The following SOHLH2 variants were observed in gnomAD, a reference collection of about 807,000 sequenced individuals.
SOHLH2 encodes spermatogenesis- and oogenesis-specific basic helix-loop-helix-containing protein 2.
A neutral mutation model predicts 50.4 loss-of-function variants in SOHLH2; 22 were observed. That is an observed-to-expected ratio of 0.44 (90% confidence interval 0.31 to 0.62). The LOEUF is 0.62. SOHLH2 is among the 20% of genes least tolerant of loss of function. The pLI is 0.08. For missense variants in SOHLH2, 412 were observed against 504.4 expected, an observed-to-expected ratio of 0.82 and a Z score of 1.76; for synonymous variants, 185 against 187.3, an observed-to-expected ratio of 0.99 and a Z score of 0.10.
intron 6 of SOHLH2, among the ~76,000 whole-genome samples, chr13:36,180,695 C>T (rs908748171): frequency 2.9e-5 from 4 of 135,986 alleles, no homozygotes; most frequent in African/African-American, 8.3e-5. Flanking sequence ...AAATCTTACT[C>T]TTACTGATTT....
At chr13:36,209,702 AC>A (rs1358801449) in intron 1 of SOHLH2, among the ~76,000 whole-genome samples, 2 of 152,192 alleles carry the variant, frequency 1.3e-5, no homozygotes, top group Non-Finnish European at 2.9e-5. Flanking sequence ...AAACATTCAG[AC>A]TACAGCACCT....
chr13:36,214,181 T>C (rs921057800), intron 1 of SOHLH2, among the ~76,000 whole-genome samples: 3 of 152,166 alleles, frequency 2.0e-5, no homozygotes, highest in Non-Finnish European at 2.9e-5. Context: ...GATTCAGTTC[T>C]CTTTCTTCCT....
chr13:36,212,076 AAGTCAAGAAAG>A (rs1869162583), intron 1 of SOHLH2, among the ~76,000 whole-genome samples: 3 of 152,184 alleles, frequency 2.0e-5, no homozygotes, highest in African/African-American at 7.2e-5. Context: ...GGGGGAAAAA[AAGTCAAGAAAG>A]AGTTATGAAG....
chr13:36,174,660 T>C lies in SOHLH2; in HGVS notation c.789+62A>G, dbSNP rs1887054386. On this transcript the variant is annotated intron_variant, in intron 7 of 10. Transcript: ENST00000379881. The stretch of plus-strand genomic sequence containing the variant: ...TCCAATGATAAAAAATTAAAAGAAG[T>C]AAAATTGTAGTATTAAAGCATGTCT... The C allele has an allele frequency of 1.6e-5, 25 of 1,596,922 alleles. No homozygotes were observed. The East Asian group carries it at 5.1e-4, about 33-fold the overall frequency.
intron 5 of SOHLH2, 62 bp downstream of exon 5, chr13:36,191,733 A>G: frequency 6.2e-7 from 1 of 1,602,502 alleles, no homozygotes. Context: ...CTTCCACAAA[A>G]TAGCCACAAT....
intron 6 of SOHLH2, among the ~76,000 whole-genome samples, chr13:36,187,667 T>C (rs1395638564): frequency 6.6e-6 from 1 of 152,012 alleles, no homozygotes; most frequent in Non-Finnish European, 1.5e-5. Flanking sequence ...TTGCTCAACT[T>C]CCTCCCTGAT....
At chr13:36,208,525 T>A (rs1868918515) in intron 1 of SOHLH2, among the ~76,000 whole-genome samples, 1 of 152,164 alleles carries the variant, frequency 6.6e-6, no homozygotes, top group Non-Finnish European at 1.5e-5. Context: ...ATCTACAGCC[T>A]CTCTCCAAAC....
At chr13:36,173,376 C>G (rs910456823) in intron 9 of SOHLH2, among the ~76,000 whole-genome samples, 3 of 152,186 alleles carry the variant, frequency 2.0e-5, no homozygotes, top group African/African-American at 4.8e-5. Context: ...GCTCAGGACA[C>G]AGTCAGTCCT....
At chr13:36,212,614 G>A (rs997069841) in intron 1 of SOHLH2, among the ~76,000 whole-genome samples, 1 of 152,156 alleles carries the variant, frequency 6.6e-6, no homozygotes, top group African/African-American at 2.4e-5. Context: ...ACCAGTGTTA[G>A]GCTTCGTTTG....
rs1004737190 is a variant in SOHLH2 at position 36,173,924 on chromosome 13, A to G, written c.882-114T>C. The G allele has an allele frequency of 1.7e-5, 20 of 1,192,464 alleles. No individual in the cohort carries two copies. The African/African-American group carries it at 2.9e-4, about 17-fold the overall frequency. 73.9% of individuals were successfully genotyped at this position (1,192,464 alleles called of 1,614,324 possible). ...TTCTAAAAACACTGATAAAGCCTCAACTATGGATTATTTACATATGAGCAA... is the reference window on the plus strand; with the variant it reads ...TTCTAAAAACACTGATAAAGCCTCAGCTATGGATTATTTACATATGAGCAA... On this transcript the variant is annotated intron_variant, in intron 8 of 10. Coordinates refer to ENST00000379881, the MANE Select transcript of SOHLH2 (RefSeq NM_017826.3).
chr13:36,210,865 G>A (rs1294093883), intron 1 of SOHLH2, among the ~76,000 whole-genome samples: 1 of 152,102 alleles, frequency 6.6e-6, no homozygotes, highest in African/African-American at 2.4e-5. Context: ...GAGAGCGTTG[G>A]GGCCCTACTA....
chr13:36,214,494 G>A lies in SOHLH2; in HGVS notation c.33C>T (p.Cys11=). The A allele has an allele frequency of 6.2e-7, 1 of 1,613,028 alleles. No individual in the cohort carries two copies. The highest frequency in any genetic ancestry group is 8.5e-7 in the Non-Finnish European group (1 of 1,179,564). The change falls in exon 1 of 11, where the codon TGC becomes TGT. Residue 11 remains cysteine, a synonymous_variant. Transcript: ENST00000379881. MASSIICQEH[C]QISGQAKIDI... is the part of the protein sequence containing the mutation. ...AGCCTCTTACCTGGCCCGAGATCTG[G>A]CAGTGCTCCTGGCAGATAATTGAGG...
At chr13:36,199,007 T>A (rs2138313135) in intron 2 of SOHLH2, among the ~76,000 whole-genome samples, 1 of 152,220 alleles carries the variant, frequency 6.6e-6, no homozygotes, top group South Asian at 2.1e-4. Flanking sequence ...AAGAGAAAAA[T>A]TTAAAATACA....
intron 1 of SOHLH2, among the ~76,000 whole-genome samples, chr13:36,205,979 T>A (rs1356410459): frequency 6.6e-6 from 1 of 151,954 alleles, no homozygotes; most frequent in Non-Finnish European, 1.5e-5. Flanking sequence ...TATTGTTTAA[T>A]GTTTTAATTT....
At position 36,214,501 on chromosome 13, in the gene SOHLH2, T is replaced by C. The variant is rs1315096791; in HGVS notation, c.26A>G (p.Glu9Gly). The change falls in exon 1 of 11, where the codon GAG becomes GGG. Residue 9 changes from glutamate to glycine, a missense_variant. Physicochemically the swap from Glu to Gly is moderately conservative, Grantham distance 98. Transcript: ENST00000379881. ...TACCTGGCCCGAGATCTGGCAGTGC[T>C]CCTGGCAGATAATTGAGGAAGCCAT... is the stretch of plus-strand genomic sequence containing the variant. MASSIICQ[E>G]HCQISGQAKI... The C allele has an allele frequency of 1.2e-6, 2 of 1,612,802 alleles. No individual in the cohort carries two copies. The highest frequency in any genetic ancestry group is 1.7e-5 in the Admixed American group (1 of 59,922).
At chr13:36,207,877 CCTT>C (rs1044281401) in intron 1 of SOHLH2, among the ~76,000 whole-genome samples, 5 of 152,142 alleles carry the variant, frequency 3.3e-5, no homozygotes, top group African/African-American at 1.2e-4. Flanking sequence ...ATGAGCGCCC[CCTT>C]CTTATGGTGT....
intron 1 of SOHLH2, among the ~76,000 whole-genome samples, chr13:36,214,278 C>T (rs899174157): frequency 2.6e-5 from 4 of 152,098 alleles, no homozygotes; most frequent in Non-Finnish European, 5.9e-5. Flanking sequence ...CCTCAGAAGC[C>T]GGGTCGGCGC....
At chr13:36,172,595 G>A (rs1235423617) in intron 9 of SOHLH2, among the ~76,000 whole-genome samples, 1 of 152,212 alleles carries the variant, frequency 6.6e-6, no homozygotes, top group African/African-American at 2.4e-5. Context: ...TTACAAGACT[G>A]TCTGGGCCAT....
chr13:36,214,385 C>CA, intron 1 of SOHLH2, 94 bp downstream of exon 1: 1 of 1,461,596 alleles, frequency 6.8e-7, no homozygotes, highest in Non-Finnish European at 9.4e-7. Flanking sequence ...ATGAGAGCTC[C>CA]CCAGGCCGGG....
Sources: gnomAD v4.1 joint callset for allele counts (sites outside exome capture counted in the v4.1 genomes callset) on GRCh38, gnomAD v4.1.1 for gene constraint, MANE v1.5 for transcripts, NCBI Gene and HGNC (gene_info 2026-07-23, HGNC 2026-07-21) for gene names.